SGCD: variants seen among roughly 807,000 people sequenced by gnomAD.
The protein encoded by SGCD is delta-sarcoglycan.
SGCD carries 18 observed loss-of-function variants against 36.6 expected under a neutral mutation model. The observed-to-expected ratio is 0.49, with a 90% CI of 0.34 to 0.73. The LOEUF (loss-of-function observed/expected upper bound fraction) is 0.73. Ranked by LOEUF, SGCD falls within the 30% of genes least tolerant of loss-of-function variation. The pLI, the probability that SGCD is intolerant of heterozygous loss-of-function variation, is 0.01. For missense variants in SGCD, 387 were observed against 346.7 expected, an observed-to-expected ratio of 1.12 and a Z score of -0.92; for synonymous variants, 133 against 130.6, an observed-to-expected ratio of 1.02 and a Z score of -0.12.
chr5:156,596,410 A>G (rs7715397), intron 6 of SGCD, among the ~76,000 whole-genome samples: 5,445 of 152,218 alleles, frequency 0.036, 324 homozygotes, highest in African/African-American at 0.12. Context: ...AGAAGTATCT[A>G]TCTTCTGAGA....
chr5:156,561,943 TTAAA>T (rs1759282646), intron 4 of SGCD, among the ~76,000 whole-genome samples: 1 of 152,172 alleles, frequency 6.6e-6, no homozygotes, highest in Non-Finnish European at 1.5e-5. Context: ...ACCGTGAAGA[TTAAA>T]TAAGAGAACT....
intron 1 of SGCD, among the ~76,000 whole-genome samples, chr5:155,900,140 C>CTGTA (rs1756354834): frequency 6.6e-6 from 1 of 151,982 alleles, no homozygotes; most frequent in African/African-American, 2.4e-5. Context: ...TTATATAGGC[C>CTGTA]ATTCTTTCCA....
intron 3 of SGCD, among the ~76,000 whole-genome samples, chr5:156,368,346 CT>C (rs1770215267): frequency 6.6e-6 from 1 of 152,192 alleles, no homozygotes; most frequent in African/African-American, 2.4e-5. Flanking sequence ...CCACCTCGGC[CT>C]TCCAAAGTGC....
At chr5:156,291,834 G>A (rs1766765079) in intron 3 of SGCD, among the ~76,000 whole-genome samples, 1 of 151,998 alleles carries the variant, frequency 6.6e-6, no homozygotes, top group Non-Finnish European at 1.5e-5. Flanking sequence ...AATAACATAT[G>A]CATTACCTTA....
At chr5:155,979,201 A>G (rs1234085710) in intron 1 of SGCD, among the ~76,000 whole-genome samples, 1 of 152,232 alleles carries the variant, frequency 6.6e-6, no homozygotes, top group East Asian at 1.9e-4. Flanking sequence ...TACCTTGAAT[A>G]TTAAGGATCA....
the SGCD span, among the ~76,000 whole-genome samples, chr5:155,834,550 G>A: frequency 6.6e-6 from 1 of 152,140 alleles, no homozygotes; most frequent in Non-Finnish European, 1.5e-5. Context: ...TTAATAATAT[G>A]TTTTCCATTT....
intron 7 of SGCD, among the ~76,000 whole-genome samples, chr5:156,726,377 C>T (rs770955599): frequency 7.2e-5 from 11 of 152,316 alleles, no homozygotes; most frequent in Non-Finnish European, 1.3e-4. Context: ...ATCTGGTTGT[C>T]ATCCCTCTGC....
chr5:155,759,905 G>T, the SGCD span, among the ~76,000 whole-genome samples: 1 of 152,312 alleles, frequency 6.6e-6, no homozygotes, highest in East Asian at 1.9e-4. Context: ...CAGGAGGCAA[G>T]AGAAATTTTC....
At chr5:156,288,920 C>A (rs1428045705) in intron 3 of SGCD, among the ~76,000 whole-genome samples, 1 of 152,016 alleles carries the variant, frequency 6.6e-6, no homozygotes. Context: ...ATATAAAGTG[C>A]AGGAAATTAT....
At chr5:156,326,607 G>A (rs935203178), upstream of SGCD, 1 of 152,198 alleles carries the variant, frequency 6.6e-6, no homozygotes, top group Non-Finnish European at 1.5e-5. Context: ...TTTAGGAAGC[G>A]GCAGGTAGGG....
chr5:156,229,286 A>ATATATATATATATATATATATGTGTG lies in SGCD; in HGVS notation c.-43-100234_-43-100233insTATATATGTGTGTATATATATATATA, dbSNP rs1229174444. On this transcript the variant is annotated intron_variant, in intron 3 of 9. Transcript: ENST00000517913. Reference sequence around the variant, plus strand: ...CATATATATATACATACATATATATATATATATATATATAAAATTAGTTCT... The same window carrying ATATATATATATATATATATATGTGTG: ...CATATATATATACATACATATATATATATATATATATATATATATATGTGTGTATATATATATATAAAATTAGTTCT... Among the ~76,000 whole-genome samples the ATATATATATATATATATATATGTGTG allele has an allele frequency of 3.0e-3, 332 of 110,410 alleles. 13 individuals carry two copies. The highest frequency in any genetic ancestry group is 0.011 in the African/African-American group (277 of 24,604). The allele number at this position is 110,410 out of a possible 152,430, so 72.4% of individuals were successfully genotyped here.
At position 156,156,048 on chromosome 5, in the gene SGCD, T is replaced by G. The variant is rs1211486762; in HGVS notation, c.-44+32029T>G. ...AATGTGCATTGATCTTTTCTACATT[T>G]ACCAGAGTATTTCTTCTTCTTTCTA... On this transcript the variant is annotated intron_variant, in intron 3 of 9. Coordinates refer to the SGCD transcript ENST00000517913. 2.0e-5 allele frequency among the ~76,000 whole-genome samples: 3 copies of G among 151,768 alleles called. No individual in the cohort carries two copies. The East Asian group carries it at 5.8e-4, about 29-fold the overall frequency.
intron 3 of SGCD, among the ~76,000 whole-genome samples, chr5:156,166,677 A>G (rs1033791218): frequency 9.2e-5 from 14 of 152,144 alleles, no homozygotes; most frequent in African/African-American, 3.4e-4. Context: ...CTGAACAGAG[A>G]CCTGCATCTA....
the SGCD span, among the ~76,000 whole-genome samples, chr5:155,745,220 C>A: frequency 6.6e-6 from 1 of 152,160 alleles, no homozygotes; most frequent in East Asian, 1.9e-4. Context: ...AGAAAATAAT[C>A]CCAGAAGGCT....
chr5:156,103,062 T>A (rs1486598594), intron 1 of SGCD, among the ~76,000 whole-genome samples: 1 of 152,224 alleles, frequency 6.6e-6, no homozygotes, highest in Non-Finnish European at 1.5e-5. Context: ...TATAAGGTTT[T>A]TATGCAATTC....
intron 6 of SGCD, among the ~76,000 whole-genome samples, chr5:156,628,044 G>T (rs1269886235): frequency 6.6e-6 from 1 of 152,102 alleles, no homozygotes; most frequent in Non-Finnish European, 1.5e-5. Flanking sequence ...GCTCAGCTTT[G>T]GGGAAGCCTC....
chr5:156,455,672 C>T (rs75893987), intron 3 of SGCD, among the ~76,000 whole-genome samples: 4,010 of 152,130 alleles, frequency 0.026, 44 homozygotes, highest in Non-Finnish European at 0.032. Context: ...TTTCTCCTGT[C>T]CAGCTTCTTG....
At chr5:156,637,100 T>A (rs1762855021) in intron 6 of SGCD, among the ~76,000 whole-genome samples, 1 of 152,092 alleles carries the variant, frequency 6.6e-6, no homozygotes, top group South Asian at 2.1e-4. Context: ...GGCAGTTAAC[T>A]CCATGCTATT....
At chr5:156,044,327 C>A (rs1759711894) in intron 1 of SGCD, among the ~76,000 whole-genome samples, 1 of 152,128 alleles carries the variant, frequency 6.6e-6, no homozygotes, top group African/African-American at 2.4e-5. Context: ...CCCTACATTT[C>A]CATGCTTGAT....
Sources: gnomAD v4.1 joint callset for allele counts (sites outside exome capture counted in the v4.1 genomes callset) on GRCh38, gnomAD v4.1.1 for gene constraint, MANE v1.5 for transcripts, NCBI Gene and HGNC (gene_info 2026-07-23, HGNC 2026-07-21) for gene names.